DLGAP1: variants seen among roughly 807,000 people sequenced by gnomAD.
The protein encoded by DLGAP1 is DLG associated protein 1.
Under a neutral mutation model 90.8 loss-of-function variants are expected in DLGAP1, and 11 were observed. The ratio of observed to expected loss-of-function variants is 0.12; its 90% CI spans 0.08 to 0.20. The LOEUF is 0.20. Ranked by LOEUF, DLGAP1 falls within the 10% of genes least tolerant of loss-of-function variation. DLGAP1 has a pLI of 1.00. For missense variants in DLGAP1, 1,050 were observed against 1,333.8 expected (o/e 0.79, Z 3.31); for synonymous variants, 558 against 540.7 (o/e 1.03, Z -0.44).
intron 2 of DLGAP1, among the ~76,000 whole-genome samples, chr18:4,028,651 T>G (rs977362388): frequency 1.3e-5 from 2 of 152,236 alleles, no homozygotes; most frequent in Non-Finnish European, 2.9e-5. Context: ...TCTGTTATCC[T>G]TACATCTTTT....
At chr18:4,187,966 C>T (rs977777899) in intron 1 of DLGAP1, among the ~76,000 whole-genome samples, 3 of 152,074 alleles carry the variant, frequency 2.0e-5, no homozygotes, top group African/African-American at 7.2e-5. Context: ...CCACTGCACT[C>T]CAGCCTAGGA....
Position 3,879,380 on chromosome 18 carries a change from C to G in DLGAP1, c.689G>C (p.Arg230Pro), listed in dbSNP as rs376106750. Residue 230 changes from arginine to proline, a missense_variant, in exon 4 of 13, where the codon CGC becomes CCC. Arg to Pro is a moderately radical substitution (Grantham distance 103). Coordinates refer to ENST00000315677, the MANE Select transcript of DLGAP1 (RefSeq NM_004746.4). The surrounding 1 kb of genome is among the most constrained non-coding windows in gnomAD (Gnocchi z 6.6). ...GVMTMGRCPD[R>P]SASQYFLEAY... is the part of the protein sequence containing the mutation. ...CTCCAGGAAGTACTGTGAGGCCGAG[C>G]GGTCGGGGCACCTGCCCATGGTCAT... 6.2e-7 allele frequency: 1 copy of G among 1,613,182 alleles called. No individual in the cohort carries two copies. Among genetic ancestry groups the G allele is most frequent in the Admixed American group, 1.7e-5 (1 of 60,000 alleles).
At chr18:3,555,620 G>A (rs923637087) in intron 9 of DLGAP1, among the ~76,000 whole-genome samples, 2 of 152,112 alleles carry the variant, frequency 1.3e-5, no homozygotes, top group Non-Finnish European at 2.9e-5. Context: ...AGACCAGCCT[G>A]ACCAACATGG....
At chr18:4,362,653 CGGT>C (rs1238270301) in intron 1 of DLGAP1, among the ~76,000 whole-genome samples, 4 of 151,960 alleles carry the variant, frequency 2.6e-5, no homozygotes, top group African/African-American at 9.7e-5. Flanking sequence ...TGGAGATGGA[CGGT>C]GGTGATGGTT....
chr18:3,862,633 T>C (rs11660051), intron 4 of DLGAP1, among the ~76,000 whole-genome samples: 32,584 of 152,214 alleles, frequency 0.21, 3,678 homozygotes, highest in South Asian at 0.34. Context: ...CAGCAGGTCA[T>C]GAGTGACTAA....
chr18:3,688,083 T>G (rs886568419), intron 7 of DLGAP1, among the ~76,000 whole-genome samples: 1 of 151,914 alleles, frequency 6.6e-6, no homozygotes, highest in African/African-American at 2.4e-5. Context: ...ATTTTTGTAT[T>G]TTGTTTTAGT....
At chr18:3,912,715 C>T (rs2072062665) in intron 3 of DLGAP1, among the ~76,000 whole-genome samples, 1 of 152,116 alleles carries the variant, frequency 6.6e-6, no homozygotes, top group Non-Finnish European at 1.5e-5. Context: ...GCTGGTGTGT[C>T]CACAAGCGTC....
chr18:3,922,441 C>A (rs1007705506), intron 3 of DLGAP1, among the ~76,000 whole-genome samples: 1 of 152,130 alleles, frequency 6.6e-6, no homozygotes, highest in East Asian at 1.9e-4. Context: ...GTATTACTCT[C>A]TAGGGATAAA....
intron 3 of DLGAP1, among the ~76,000 whole-genome samples, chr18:3,990,287 G>A (rs2073936298): frequency 1.3e-5 from 2 of 151,278 alleles, no homozygotes; most frequent in Admixed American, 6.6e-5. Flanking sequence ...TATACACCAT[G>A]GAATACTATG....
chr18:3,915,760 C>T (rs1368403604), intron 3 of DLGAP1, among the ~76,000 whole-genome samples: 1 of 152,108 alleles, frequency 6.6e-6, no homozygotes, highest in Non-Finnish European at 1.5e-5. Context: ...GGGAGAATGT[C>T]ATCTCTCTGA....
intron 1 of DLGAP1, among the ~76,000 whole-genome samples, chr18:4,392,222 G>A (rs1441681360): frequency 2.0e-5 from 3 of 152,158 alleles, no homozygotes; most frequent in Non-Finnish European, 2.9e-5. Context: ...AGCACAGCCT[G>A]AGATTCATGG....
At chr18:3,772,494 A>C (rs2064728277) in intron 5 of DLGAP1, among the ~76,000 whole-genome samples, 1 of 131,724 alleles carries the variant, frequency 7.6e-6, no homozygotes, top group African/African-American at 3.0e-5. Context: ...TGTCCCGGAG[A>C]TCTTAATGAG....
intron 7 of DLGAP1, chr18:3,604,366 T>G (rs1057446079): frequency 6.6e-6 from 1 of 152,236 alleles, no homozygotes; most frequent in African/African-American, 2.4e-5. Flanking sequence ...CTTCTTTTAA[T>G]AAAACTTGGA....
At chr18:4,344,480 T>A (rs1052894776) in intron 1 of DLGAP1, among the ~76,000 whole-genome samples, 2 of 152,172 alleles carry the variant, frequency 1.3e-5, no homozygotes, top group African/African-American at 4.8e-5. Context: ...CTATGTGAGA[T>A]TAACGAAAAT....
At chr18:4,028,458 G>C (rs1772735148) in intron 2 of DLGAP1, among the ~76,000 whole-genome samples, 1 of 152,274 alleles carries the variant, frequency 6.6e-6, no homozygotes, top group South Asian at 2.1e-4. Flanking sequence ...AGCAGGCACA[G>C]GGCACATCAC....
Position 3,879,988 on chromosome 18 carries a change from G to T in DLGAP1, c.81C>A (p.Ser27=). The T allele has an allele frequency of 6.2e-7, 1 of 1,611,762 alleles. No homozygotes were observed. Among genetic ancestry groups the T allele is most frequent in the Non-Finnish European group, 8.5e-7 (1 of 1,179,942 alleles). The change falls in exon 4 of 13, where the codon TCC becomes TCA. Residue 27 remains serine (S), a synonymous_variant. Transcript: ENST00000315677. This position sits in a 1 kb window ranked among gnomAD's most constrained non-coding sequence, Gnocchi z 6.6. ...GGCTCAGCAGGTAGGGCTTGCGGTC[G>T]GAGTGGTGCGACAGCGAGTCACAGG... The part of the protein sequence containing the change: ...DSACDSLSHH[S]DRKPYLLSPV...
intron 1 of DLGAP1, among the ~76,000 whole-genome samples, chr18:4,438,523 T>C (rs2083456511): frequency 6.8e-6 from 1 of 147,220 alleles, no homozygotes; most frequent in African/African-American, 2.5e-5. Context: ...TGCCCCCTCC[T>C]AGAGCCTCAT....
At chr18:3,601,253 CT>C (rs1480695287) in intron 7 of DLGAP1, among the ~76,000 whole-genome samples, 5 of 151,610 alleles carry the variant, frequency 3.3e-5, no homozygotes, top group Admixed American at 3.3e-4. Context: ...TGCCAGCTAT[CT>C]TTTGTATTTT....
At chr18:3,553,533 G>GT (rs1236893876) in intron 9 of DLGAP1, among the ~76,000 whole-genome samples, 1 of 151,908 alleles carries the variant, frequency 6.6e-6, no homozygotes, top group African/African-American at 2.4e-5. Context: ...TAGTTTTTTT[G>GT]TTTTTTGTTT....
Sources: gnomAD v4.1 joint callset for allele counts (sites outside exome capture counted in the v4.1 genomes callset) on GRCh38, gnomAD v4.1.1 for gene constraint, Gnocchi (gnomAD v3.1) non-coding constraint, MANE v1.5 for transcripts, NCBI Gene and HGNC (gene_info 2026-07-23, HGNC 2026-07-21) for gene names.